KCNK2: variants seen among roughly 807,000 people sequenced by gnomAD.
KCNK2 encodes potassium channel subfamily K member 2.
Under a neutral mutation model 40.5 loss-of-function variants are expected in KCNK2, and 21 were observed. The ratio of observed to expected loss-of-function variants is 0.52; its 90% CI spans 0.37 to 0.75. The LOEUF (loss-of-function observed/expected upper bound fraction) is 0.75. Ranked by LOEUF, KCNK2 falls within the 30% of genes least tolerant of loss-of-function variation. The pLI is 0.00. For synonymous variants in KCNK2, 191 were observed against 202.2 expected, an observed-to-expected ratio of 0.94 and a Z score of 0.47; for missense variants, 399 against 531.6, an observed-to-expected ratio of 0.75 and a Z score of 2.45.
intron 1 of KCNK2, among the ~76,000 whole-genome samples, chr1:215,068,893 C>G (rs1222358634): frequency 6.6e-6 from 1 of 152,094 alleles, no homozygotes; most frequent in Non-Finnish European, 1.5e-5. Context: ...CTATTTGGGG[C>G]TACAAAAGTT....
chr1:215,024,868 T>G (rs561745779), intron 1 of KCNK2, among the ~76,000 whole-genome samples: 8 of 152,016 alleles, frequency 5.3e-5, no homozygotes, highest in African/African-American at 1.7e-4. Flanking sequence ...TAATAGCCTG[T>G]GGACTAAACT....
intron 5 of KCNK2, among the ~76,000 whole-genome samples, chr1:215,185,949 G>C (rs1664416147): frequency 6.6e-6 from 1 of 152,222 alleles, no homozygotes; most frequent in South Asian, 2.1e-4. Flanking sequence ...ATTTTGGAAA[G>C]TGATTTATAA....
chr1:215,036,781 G>A (rs1039648603), intron 1 of KCNK2, among the ~76,000 whole-genome samples: 2 of 151,690 alleles, frequency 1.3e-5, no homozygotes, highest in Non-Finnish European at 3.0e-5. Flanking sequence ...ATATTTTGAT[G>A]TTTTTGTGTG....
At chr1:215,213,614 A>G (rs1460654904) in intron 6 of KCNK2, among the ~76,000 whole-genome samples, 1 of 152,224 alleles carries the variant, frequency 6.6e-6, no homozygotes, top group Non-Finnish European at 1.5e-5. Context: ...TCTGTCTCAA[A>G]GAAAAAGAAG....
intron 6 of KCNK2, among the ~76,000 whole-genome samples, chr1:215,205,739 AGGG>A (rs776033992): frequency 3.9e-5 from 6 of 152,186 alleles, no homozygotes; most frequent in Admixed American, 1.3e-4. Flanking sequence ...ACTAAGATGA[AGGG>A]GCTATTTGTT....
intron 2 of KCNK2, among the ~76,000 whole-genome samples, chr1:215,099,109 G>A (rs1421521607): frequency 2.6e-5 from 4 of 151,748 alleles, no homozygotes; most frequent in Non-Finnish European, 4.4e-5. Flanking sequence ...TTATTTTATC[G>A]CTCAGGTATT....
intron 6 of KCNK2, among the ~76,000 whole-genome samples, chr1:215,218,555 C>G (rs1466923020): frequency 6.6e-6 from 1 of 152,144 alleles, no homozygotes; most frequent in Non-Finnish European, 1.5e-5. Context: ...ATCACAAGTC[C>G]TAGTGATTCC....
At chr1:215,184,033 G>T (rs769345694) in intron 5 of KCNK2, among the ~76,000 whole-genome samples, 2 of 152,106 alleles carry the variant, frequency 1.3e-5, no homozygotes, top group Non-Finnish European at 2.9e-5. Flanking sequence ...GTGCACTGTA[G>T]ATGTACAGAG....
chr1:215,124,548 T>C (rs1001494923), intron 2 of KCNK2, 85 bp from the exon 3 acceptor site: 41 of 807,414 alleles, frequency 5.1e-5, no homozygotes, highest in Non-Finnish European at 7.9e-5. Context: ...CTTTGTCAAA[T>C]AAGTCATTTC....
chr1:215,086,519 C>A lies in KCNK2; in HGVS notation c.198C>A (p.Phe66Leu). Residue 66 changes from phenylalanine to leucine, a missense_variant, in exon 2 of 7, where the codon TTC becomes TTA. Transcript: ENST00000444842. ...VMKWKTVSTI[F>L]LVVVLYLIIG... is the part of the protein sequence containing the mutation. Reference sequence around the variant, plus strand: ...AATGGAAGACGGTCTCCACGATATTCCTGGTGGTTGTCCTCTATCTGATCA... The same window carrying A: ...AATGGAAGACGGTCTCCACGATATTACTGGTGGTTGTCCTCTATCTGATCA... The A allele has an allele frequency of 6.2e-7, 1 of 1,614,188 alleles. No individual in the cohort carries two copies. The highest frequency in any genetic ancestry group is 8.5e-7 in the Non-Finnish European group (1 of 1,180,034).
chr1:215,024,945 GTT>G lies in KCNK2; in HGVS notation c.34+19009_34+19010del, dbSNP rs376087335. Among the ~76,000 whole-genome samples, 106 of 82,530 alleles carry G rather than the reference GTT, an allele frequency of 1.3e-3. 1 individual carries two copies. Among genetic ancestry groups the G allele is most frequent in the Middle Eastern group, 6.3e-3 (1 of 158 alleles). 54.1% of individuals were successfully genotyped at this position (82,530 alleles called of 152,430 possible). A position where few individuals can be genotyped will look rare whatever the true frequency, so the allele number is the denominator to read the frequency against. ...ATATGTTCATTATGTATCTACAGGA[GTT>G]TTTTTTTTTTTTTTTTTTAACTGAG... On this transcript the variant is annotated intron_variant, in intron 1 of 6. Transcript: ENST00000391895.
intron 6 of KCNK2, among the ~76,000 whole-genome samples, chr1:215,222,346 G>C (rs2102701436): frequency 3.3e-5 from 5 of 152,304 alleles, no homozygotes; most frequent in Admixed American, 3.3e-4. Flanking sequence ...TTTCAAGGAT[G>C]CTCAGTGATA....
At chr1:215,101,454 G>T (rs1418781334) in intron 2 of KCNK2, among the ~76,000 whole-genome samples, 1 of 151,886 alleles carries the variant, frequency 6.6e-6, no homozygotes, top group Admixed American at 6.6e-5. Flanking sequence ...ACATGCAAAG[G>T]CTAGAACATA....
chr1:215,177,722 G>GTATATATATATATA (rs1553270861), intron 5 of KCNK2, among the ~76,000 whole-genome samples: 1 of 116,264 alleles, frequency 8.6e-6, no homozygotes, highest in Non-Finnish European at 1.7e-5. Context: ...ATATATATGT[G>GTATATATATATATA]TATATATATA....
At chr1:215,166,010 A>C (rs1356406183) in intron 3 of KCNK2, among the ~76,000 whole-genome samples, 1 of 152,138 alleles carries the variant, frequency 6.6e-6, no homozygotes, top group Non-Finnish European at 1.5e-5. Flanking sequence ...AAACAACATG[A>C]TGTGTGATTG....
chr1:215,068,758 G>A (rs1164267285), intron 1 of KCNK2, among the ~76,000 whole-genome samples: 1 of 152,106 alleles, frequency 6.6e-6, no homozygotes, highest in Non-Finnish European at 1.5e-5. Flanking sequence ...AGAAGAAACA[G>A]GTATAACATA....
At chr1:215,117,380 G>C (rs543054677) in intron 2 of KCNK2, among the ~76,000 whole-genome samples, 4 of 152,094 alleles carry the variant, frequency 2.6e-5, no homozygotes, top group South Asian at 4.2e-4. Context: ...GGCAATAAAG[G>C]GTTTTCCTTT....
At chr1:215,228,644 G>T (rs1445984443) in intron 6 of KCNK2, among the ~76,000 whole-genome samples, 4 of 151,986 alleles carry the variant, frequency 2.6e-5, no homozygotes, top group East Asian at 1.9e-4. Context: ...AGATTGCTTG[G>T]TCATAGGAAG....
At chr1:215,096,893 T>G (rs1659999631) in intron 2 of KCNK2, among the ~76,000 whole-genome samples, 1 of 151,940 alleles carries the variant, frequency 6.6e-6, no homozygotes, top group Non-Finnish European at 1.5e-5. Flanking sequence ...GACATGCAGT[T>G]TTCTTCTCTC....
Sources: gnomAD v4.1 joint callset for allele counts (sites outside exome capture counted in the v4.1 genomes callset) on GRCh38, gnomAD v4.1.1 for gene constraint, MANE v1.5 for transcripts, NCBI Gene and HGNC (gene_info 2026-07-23, HGNC 2026-07-21) for gene names.